Variants in SLC12A8 observed in about 807,000 individuals in gnomAD.
The protein encoded by SLC12A8 is solute carrier family 12 member 8, also known as cation-chloride cotransporter 9.
Under a neutral mutation model 75.6 loss-of-function variants are expected in SLC12A8, and 69 were observed. That is an observed-to-expected ratio of 0.91 (90% CI 0.75 to 1.11). The LOEUF (loss-of-function observed/expected upper bound fraction) is 1.11. SLC12A8 is among the 50% of genes most tolerant of loss of function. The pLI is 0.00. For missense variants in SLC12A8, 877 were observed against 896.7 expected (o/e 0.98, Z 0.28); for synonymous variants, 365 against 372.8 (o/e 0.98, Z 0.24).
At chr3:125,204,347 G>A (rs1434942166) in intron 2 of SLC12A8, among the ~76,000 whole-genome samples, 1 of 152,140 alleles carries the variant, frequency 6.6e-6, no homozygotes, top group African/African-American at 2.4e-5. Context: ...ATCAACAGAT[G>A]AATGAATAAA....
intron 2 of SLC12A8, among the ~76,000 whole-genome samples, chr3:125,201,930 T>G (rs569734826): frequency 1.1e-3 from 172 of 152,134 alleles, no homozygotes; most frequent in African/African-American, 4.1e-3. Context: ...TTTTTTGAGA[T>G]GGAGTCTCAC....
rs369087778 is a variant in SLC12A8, at chr3:125,135,807, C to T, written c.623-25G>A. On this transcript the variant is annotated intron_variant, in intron 5 of 13. Transcript: ENST00000469902. ...TCTGAAATAAAGCAATGGAGAGCAA[C>T]GTAAGCCCAGTGAGAAGACACAGGA... 4.6e-5 allele frequency: 64 copies of T among 1,398,640 alleles called. No individual in the cohort carries two copies. The African/African-American group carries it at 6.6e-4, about 14-fold the overall frequency. 86.6% of individuals were successfully genotyped at this position (1,398,640 alleles called of 1,614,324 possible).
chr3:125,114,473 G>A (rs1403627153), intron 8 of SLC12A8, among the ~76,000 whole-genome samples: 1 of 152,226 alleles, frequency 6.6e-6, no homozygotes, highest in Non-Finnish European at 1.5e-5. Context: ...TGCCCAGGCT[G>A]GAGTGCAGTG....
intron 2 of SLC12A8, among the ~76,000 whole-genome samples, chr3:125,201,579 C>T (rs923859930): frequency 2.2e-4 from 33 of 151,754 alleles, no homozygotes; most frequent in Non-Finnish European, 1.5e-4. Flanking sequence ...TCAAGACCAG[C>T]CTGGGCAAAA....
chr3:125,121,213 A>T (rs1034994070), intron 6 of SLC12A8, among the ~76,000 whole-genome samples: 3 of 152,236 alleles, frequency 2.0e-5, no homozygotes, highest in Admixed American at 2.0e-4. Flanking sequence ...TGCCACTGAC[A>T]TGGAGTCACA....
rs1938577668 is a variant in SLC12A8, at chr3:125,091,456, C to T, written c.1904G>A (p.Ser635Asn). 1.2e-6 allele frequency: 2 copies of T among 1,613,528 alleles called. No individual in the cohort carries two copies. The highest frequency in any genetic ancestry group is 1.7e-6 in the Non-Finnish European group (2 of 1,179,552). Reference sequence around the variant, plus strand: ...CTGCTTACCAAGGTGAAGCCCTGGACTGGCCCGGCCAATGTAGAAATACAC... The same window carrying T: ...CTGCTTACCAAGGTGAAGCCCTGGATTGGCCCGGCCAATGTAGAAATACAC... Reference protein sequence around the residue: ...AIVYFYIGRASPGLHLGSASN... With the variant: ...AIVYFYIGRANPGLHLGSASN... Residue 635 changes from serine to asparagine, a missense_variant, in exon 12 of 14, where the codon AGT becomes AAT. Coordinates refer to ENST00000469902, the MANE Select transcript of SLC12A8 (RefSeq NM_024628.6).
At chr3:125,200,466 A>C (rs1935098729) in intron 2 of SLC12A8, among the ~76,000 whole-genome samples, 1 of 152,158 alleles carries the variant, frequency 6.6e-6, no homozygotes, top group Admixed American at 6.5e-5. Context: ...CAACAACAAC[A>C]ACAAGAACTA....
At chr3:125,206,568 A>T (rs1040276169) in intron 2 of SLC12A8, 5 of 152,324 alleles carry the variant, frequency 3.3e-5, no homozygotes. Flanking sequence ...TACCACACCA[A>T]GCTAACTCAG....
At chr3:125,175,375 G>T (rs1934497164) in intron 5 of SLC12A8, among the ~76,000 whole-genome samples, 3 of 152,138 alleles carry the variant, frequency 2.0e-5, no homozygotes, top group African/African-American at 7.2e-5. Context: ...TGAAACATCA[G>T]TGATACCAAA....
In SLC12A8 at chr3:125,107,635, G is replaced by T; in HGVS notation, c.1551C>A (p.Val517=). 6.2e-7 allele frequency: 1 copy of T among 1,614,164 alleles called. No individual in the cohort carries two copies. The highest frequency in any genetic ancestry group is 8.5e-7 in the Non-Finnish European group (1 of 1,180,014). Residue 517 remains valine, a synonymous_variant, in exon 10 of 14, where the codon GTC becomes GTA. Coordinates refer to ENST00000469902, the MANE Select transcript of SLC12A8 (RefSeq NM_024628.6). ...LDLKSPPSFP[V]EISDRLPAAS... ...CAGCGGGCAACCTGTCAGAGATCTC[G>T]ACAGGGAAAGAAGGAGGGGATTTGA...
intron 7 of SLC12A8, chr3:125,119,837 C>T (rs1297849247): frequency 4.4e-6 from 2 of 456,570 alleles, no homozygotes; most frequent in Non-Finnish European, 8.8e-6. Flanking sequence ...TGTTTCTGGT[C>T]TCTGATCTCT....
chr3:125,190,445 T>C lies in SLC12A8; in HGVS notation c.128A>G (p.Asp43Gly). 4 of 1,614,160 alleles carry C rather than the reference T, an allele frequency of 2.5e-6. No individual in the cohort carries two copies. Among genetic ancestry groups the C allele is most frequent in the Non-Finnish European group, 3.4e-6 (4 of 1,180,030 alleles). Residue 43 changes from aspartate to glycine, a missense_variant, in exon 3 of 14, where the codon GAT (aspartate) becomes GGT (glycine). By Grantham distance (94) the Asp-to-Gly change is moderately conservative. Transcript: ENST00000469902. ...GATCATGCAGGATGTGAACACACCA[T>C]CCCAGGTCCCAAACAGCACAGGCTC... ...MWEPVLFGTWDGVFTSCMINI... is the reference protein window; with the variant it reads ...MWEPVLFGTWGGVFTSCMINI...
In SLC12A8 at chr3:125,083,868, G is replaced by C. The variant is rs1031121023; in HGVS notation, c.*22C>G. On this transcript the variant is annotated 3_prime_UTR_variant, in exon 14 of 14. Transcript: ENST00000469902. ...CACTGTACATGGGACAGCTCCAAAA[G>C]AGGAAGGTCCCAGCACTGCATCTAG... 18 of 1,605,160 alleles carry C rather than the reference G, an allele frequency of 1.1e-5. No individual in the cohort carries two copies. The highest frequency in any genetic ancestry group is 1.4e-5 in the Non-Finnish European group (17 of 1,176,020).
intron 8 of SLC12A8, among the ~76,000 whole-genome samples, chr3:125,115,463 C>T (rs1452112757): frequency 6.6e-6 from 1 of 151,706 alleles, no homozygotes. Context: ...GTGGAGGTTG[C>T]AGTGAGCTGA....
intron 5 of SLC12A8, among the ~76,000 whole-genome samples, chr3:125,140,892 G>A (rs1396061180): frequency 6.6e-6 from 1 of 151,956 alleles, no homozygotes; most frequent in African/African-American, 2.4e-5. Context: ...GCCTCCCCAG[G>A]GATTTCCAAC....
At chr3:125,140,357 G>A (rs567315330) in intron 5 of SLC12A8, among the ~76,000 whole-genome samples, 1 of 152,308 alleles carries the variant, frequency 6.6e-6, no homozygotes, top group South Asian at 2.1e-4. Flanking sequence ...AGATCTGCCT[G>A]TATTTCACCC....
intron 5 of SLC12A8, among the ~76,000 whole-genome samples, chr3:125,137,863 A>G (rs1004275291): frequency 7.9e-5 from 12 of 152,160 alleles, no homozygotes; most frequent in Non-Finnish European, 1.6e-4. Flanking sequence ...TTGCAGGGCC[A>G]ATGAGAAATG....
chr3:125,142,583 G>A (rs561836459), intron 5 of SLC12A8, among the ~76,000 whole-genome samples: 2 of 152,340 alleles, frequency 1.3e-5, no homozygotes, highest in African/African-American at 4.8e-5. Context: ...AGGAACCAGG[G>A]TTCGGGCCCT....
intron 13 of SLC12A8, among the ~76,000 whole-genome samples, chr3:125,085,997 C>T (rs9867868): frequency 0.16 from 23,656 of 151,836 alleles, 2,411 homozygotes; most frequent in East Asian, 0.34. Flanking sequence ...CTCCGCCTCC[C>T]GGGTTCAAGT....
Sources: gnomAD v4.1 joint callset for allele counts (sites outside exome capture counted in the v4.1 genomes callset) on GRCh38, gnomAD v4.1.1 for gene constraint, MANE v1.5 for transcripts, NCBI Gene and HGNC (gene_info 2026-07-23, HGNC 2026-07-21) for gene names.